The following SPEF2 variants were observed in gnomAD, a reference collection of about 807,000 sequenced individuals.
SPEF2 encodes sperm flagella and cilia-associated protein 2.
SPEF2 carries 187 observed loss-of-function variants against 224.6 expected under a neutral mutation model. The observed-to-expected ratio is 0.83, with a 90% confidence interval of 0.74 to 0.94. SPEF2 has a LOEUF of 0.94. Ranked by LOEUF, SPEF2 falls within the 40% of genes least tolerant of loss-of-function variation. SPEF2 has a pLI of 0.00. For synonymous variants in SPEF2, 715 were observed against 707.3 expected (o/e 1.01, Z -0.17); for missense variants, 2,170 against 2,135.6 (o/e 1.02, Z -0.32).
chr5:35,660,135 C>A (rs1749506826), intron 8 of SPEF2, among the ~76,000 whole-genome samples: 1 of 151,876 alleles, frequency 6.6e-6, no homozygotes, highest in Non-Finnish European at 1.5e-5. Context: ...ATTTTTGTCC[C>A]AAACTTTATG....
At chr5:35,684,689 T>C (rs1450754239) in intron 10 of SPEF2, among the ~76,000 whole-genome samples, 1 of 152,216 alleles carries the variant, frequency 6.6e-6, no homozygotes, top group East Asian at 1.9e-4. Context: ...ATATTGTTAT[T>C]ATGCTGCAAA....
At chr5:35,675,800 T>G (rs1390437691) in intron 10 of SPEF2, 5 of 391,068 alleles carry the variant, frequency 1.3e-5, no homozygotes, top group African/African-American at 4.2e-5. Flanking sequence ...TGTATTAGTT[T>G]TCAAAGAGGG....
chr5:35,739,701 T>C (rs969806423), intron 21 of SPEF2, among the ~76,000 whole-genome samples: 1 of 152,162 alleles, frequency 6.6e-6, no homozygotes, highest in African/African-American at 2.4e-5. Context: ...ATTTCTGGAA[T>C]AAATAATATC....
At chr5:35,701,195 T>G (rs1175631086) in intron 16 of SPEF2, among the ~76,000 whole-genome samples, 7 of 152,228 alleles carry the variant, frequency 4.6e-5, no homozygotes, top group Admixed American at 4.6e-4. Context: ...GGCTGAAAAC[T>G]TCACATGATG....
At chr5:35,684,642 T>G (rs1034508593) in intron 10 of SPEF2, among the ~76,000 whole-genome samples, 1 of 152,230 alleles carries the variant, frequency 6.6e-6, no homozygotes, top group African/African-American at 2.4e-5. Flanking sequence ...ACACAAGCAT[T>G]ATTTCACTTA....
chr5:35,733,254 A>G (rs1745960720), intron 21 of SPEF2, among the ~76,000 whole-genome samples: 2 of 152,216 alleles, frequency 1.3e-5, no homozygotes, highest in African/African-American at 4.8e-5. Flanking sequence ...AGCCGGGACT[A>G]CAGGCGCCCG....
intron 16 of SPEF2, chr5:35,702,206 A>T (rs906389610): frequency 2.2e-6 from 1 of 456,258 alleles, no homozygotes; most frequent in Non-Finnish European, 4.4e-6. Flanking sequence ...TGGGTGCAAC[A>T]TGCAGTTCTG....
Position 35,763,711 on chromosome 5 carries a change from T to C in SPEF2, c.3801+9T>C. 1 of 1,594,374 alleles carries C rather than the reference T, an allele frequency of 6.3e-7. No homozygotes were observed. The highest frequency in any genetic ancestry group is 8.5e-7 in the Non-Finnish European group (1 of 1,173,912). ...TAGCAGTATCTCACATGGTAAGCAG[T>C]GCTCGTTATATTTTCTGTTAGTAAT... is the stretch of plus-strand genomic sequence containing the variant. On this transcript the variant is annotated intron_variant, in intron 26 of 36. Coordinates refer to ENST00000356031, the MANE Select transcript of SPEF2 (RefSeq NM_024867.4).
chr5:35,746,731 A>G (rs901929840), intron 23 of SPEF2, among the ~76,000 whole-genome samples: 1 of 152,178 alleles, frequency 6.6e-6, no homozygotes, highest in African/African-American at 2.4e-5. Context: ...GAATTATAAA[A>G]GCTTGGAAAA....
At chr5:35,777,894 T>C (rs1289173671) in intron 29 of SPEF2, among the ~76,000 whole-genome samples, 2 of 152,124 alleles carry the variant, frequency 1.3e-5, no homozygotes, top group Non-Finnish European at 2.9e-5. Flanking sequence ...TGCCGGGCTA[T>C]GGTTGGGTCT....
intron 28 of SPEF2, 108 bp downstream of exon 28, chr5:35,774,129 T>C: frequency 1.4e-6 from 2 of 1,409,718 alleles, no homozygotes; most frequent in East Asian, 2.3e-5. Context: ...TATGAGAACA[T>C]ACAGCAAAGA....
chr5:35,708,706 A>ATCATCACCT (rs1561236742), intron 18 of SPEF2, among the ~76,000 whole-genome samples: 311 of 7,402 alleles, frequency 0.042, 2 homozygotes, highest in Middle Eastern at 0.071. Context: ...CATCACCACC[A>ATCATCACCT]CTACCCATCA....
chr5:35,771,198 G>A (rs1752807955), intron 26 of SPEF2, among the ~76,000 whole-genome samples: 1 of 151,862 alleles, frequency 6.6e-6, no homozygotes, highest in Admixed American at 6.6e-5. Flanking sequence ...TATCAAAAAA[G>A]GTTAAGAAAC....
intron 16 of SPEF2, chr5:35,702,224 C>CG (rs1561223786): frequency 2.2e-6 from 1 of 456,170 alleles, no homozygotes; most frequent in Admixed American, 2.3e-5. Context: ...CTGCAGTGCT[C>CG]GGGGTCTATG....
intron 30 of SPEF2, 47 bp downstream of exon 30, chr5:35,779,393 T>A: frequency 1.4e-6 from 2 of 1,453,024 alleles, no homozygotes; most frequent in Non-Finnish European, 1.9e-6. Context: ...AAGGTTAAGA[T>A]TAACCAGGAC....
intron 10 of SPEF2, among the ~76,000 whole-genome samples, chr5:35,671,829 A>C (rs77588042): frequency 0.014 from 2,059 of 151,836 alleles, 29 homozygotes; most frequent in South Asian, 0.053. Context: ...GCGTCTAGCA[A>C]TGTACTTTAT....
At chr5:35,797,849 T>C (rs1189721720) in intron 33 of SPEF2, among the ~76,000 whole-genome samples, 1 of 152,174 alleles carries the variant, frequency 6.6e-6, no homozygotes, top group African/African-American at 2.4e-5. Flanking sequence ...CTGCTCCCAG[T>C]GCTGCCAGGA....
At chr5:35,765,087 C>A (rs1433260761) in intron 26 of SPEF2, among the ~76,000 whole-genome samples, 3 of 152,070 alleles carry the variant, frequency 2.0e-5, no homozygotes, top group Admixed American at 6.6e-5. Flanking sequence ...TAAAGGGGAC[C>A]AACATACTGC....
At chr5:35,729,155 G>C (rs1745191160) in intron 21 of SPEF2, among the ~76,000 whole-genome samples, 1 of 151,932 alleles carries the variant, frequency 6.6e-6, no homozygotes, top group South Asian at 2.1e-4. Flanking sequence ...GGATTCTATA[G>C]AAAACATGAT....
Sources: allele counts gnomAD v4.1 joint callset (sites outside exome capture counted in the v4.1 genomes callset), GRCh38; gene constraint gnomAD v4.1.1; transcripts MANE v1.5; gene names NCBI Gene and HGNC (gene_info 2026-07-23, HGNC 2026-07-21).